PRKCH: variants seen among roughly 807,000 people sequenced by gnomAD.
PRKCH encodes protein kinase C eta type.
A neutral mutation model predicts 82.5 loss-of-function variants in PRKCH; 28 were observed. The observed-to-expected ratio is 0.34, with a 90% confidence interval of 0.25 to 0.47. The LOEUF is 0.47. Ranked by LOEUF, PRKCH falls within the 20% of genes least tolerant of loss-of-function variation. The probability of loss-of-function intolerance (pLI) is 1.00; values close to 1 mark genes in which losing one functional copy is unlikely to be tolerated. For synonymous variants in PRKCH, 322 were observed against 327.4 expected (o/e 0.98, Z 0.18); for missense variants, 705 against 881.8 (o/e 0.80, Z 2.54).
chr14:61,352,580 C>T (rs1005649963), intron 1 of PRKCH, among the ~76,000 whole-genome samples: 3 of 151,426 alleles, frequency 2.0e-5, no homozygotes, highest in African/African-American at 7.3e-5. Flanking sequence ...AGGAGAATTG[C>T]TTGAACCTGG....
At chr14:61,326,850 G>T in intron 1 of PRKCH, 1 of 204,386 alleles carries the variant, frequency 4.9e-6, no homozygotes, top group African/African-American at 2.3e-5. Context: ...TTTTTCTGCT[G>T]CTTCTAGAAC....
rs534878281 is a variant in PRKCH, at chr14:61,397,279, T to C, written c.427+5991T>C. On this transcript the variant is annotated intron_variant, in intron 2 of 13. Transcript: ENST00000332981. Reference sequence around the variant, plus strand: ...ATGCTCAGATGGTGCCTCAGAGTCATTTACCAGGGTAGAAACTGGGAGAAG... The same window carrying C: ...ATGCTCAGATGGTGCCTCAGAGTCACTTACCAGGGTAGAAACTGGGAGAAG... 1.2e-4 allele frequency among the ~76,000 whole-genome samples: 19 copies of C among 152,268 alleles called. No individual in the cohort carries two copies. In the South Asian group the frequency reaches 2.9e-3, roughly 23 times the overall value.
chr14:61,326,782 C>A, intron 1 of PRKCH: 1 of 210,438 alleles, frequency 4.8e-6, no homozygotes, highest in Non-Finnish European at 9.9e-6. Flanking sequence ...CACAATAAAA[C>A]AAATTAGTTT....
chr14:61,223,172 T>C (rs779291667), intron 1 of PRKCH, among the ~76,000 whole-genome samples: 5 of 152,150 alleles, frequency 3.3e-5, no homozygotes, highest in Admixed American at 2.6e-4. Flanking sequence ...GTCTTTCCCA[T>C]TTAAACGGCT....
chr14:61,351,827 A>G (rs2046079169), intron 1 of PRKCH, among the ~76,000 whole-genome samples: 1 of 152,172 alleles, frequency 6.6e-6, no homozygotes, highest in Non-Finnish European at 1.5e-5. Context: ...AGTAATTGGC[A>G]ATGGCTCCTT....
At chr14:61,276,570 G>T (rs2045204322) in intron 1 of PRKCH, among the ~76,000 whole-genome samples, 1 of 151,780 alleles carries the variant, frequency 6.6e-6, no homozygotes, top group South Asian at 2.1e-4. Context: ...TGGCCAGGCT[G>T]GTCTCGAACT....
intron 1 of PRKCH, among the ~76,000 whole-genome samples, chr14:61,330,940 G>A (rs1412101362): frequency 2.8e-5 from 3 of 108,604 alleles, no homozygotes; most frequent in East Asian, 2.7e-4. Context: ...TAACACTAAC[G>A]ATAGCTGATG....
At chr14:61,236,710 CAAAAAAAAAAA>C (rs35185475) in intron 1 of PRKCH, among the ~76,000 whole-genome samples, 15 of 87,712 alleles carry the variant, frequency 1.7e-4, no homozygotes, top group Non-Finnish European at 2.2e-4. Flanking sequence ...TGTCTCAAAA[CAAAAAAAAAAA>C]AAAAAAAAAA....
At chr14:61,228,463 G>A (rs1594862393) in intron 1 of PRKCH, among the ~76,000 whole-genome samples, 1 of 152,220 alleles carries the variant, frequency 6.6e-6, no homozygotes, top group Middle Eastern at 3.4e-3. Flanking sequence ...CTCAATCCTT[G>A]GAGGATTGGC....
At chr14:61,528,978 G>GTGTGTGTA in intron 10 of PRKCH, 97 bp from the exon 11 acceptor site, 1 of 1,033,830 alleles carries the variant, frequency 9.7e-7, no homozygotes, top group Admixed American at 2.5e-5. Context: ...CCGCACGTGT[G>GTGTGTGTA]TGTGTGTGTG....
intron 2 of PRKCH, among the ~76,000 whole-genome samples, chr14:61,396,767 G>T (rs1369172447): frequency 6.6e-6 from 1 of 152,272 alleles, no homozygotes; most frequent in Admixed American, 6.5e-5. Flanking sequence ...AAGGTAGGGG[G>T]TGTGGAGGTG....
intron 2 of PRKCH, among the ~76,000 whole-genome samples, chr14:61,431,162 A>G (rs551815696): frequency 7.8e-6 from 1 of 128,326 alleles, no homozygotes; most frequent in African/African-American, 2.7e-5. Context: ...TCCTCTAGGA[A>G]CACTCAATTG....
intron 1 of PRKCH, chr14:61,322,858 G>A (rs1718070614): frequency 5.2e-6 from 1 of 192,978 alleles, no homozygotes; most frequent in Admixed American, 5.3e-5. Flanking sequence ...TGCTTCAAGC[G>A]CTACTTAGGA....
intron 13 of PRKCH, among the ~76,000 whole-genome samples, chr14:61,548,499 C>T (rs571686879): frequency 1.6e-4 from 25 of 152,312 alleles, no homozygotes; most frequent in Admixed American, 1.2e-3. Context: ...GAGCTGAGCT[C>T]GTGCTCATCT....
chr14:61,471,777 A>T (rs915679454), intron 9 of PRKCH, among the ~76,000 whole-genome samples: 1 of 152,094 alleles, frequency 6.6e-6, no homozygotes. Flanking sequence ...CCAAAATACC[A>T]GCAGCACCTC....
chr14:61,324,452 T>G (rs1309523064), intron 1 of PRKCH, among the ~76,000 whole-genome samples: 1 of 152,164 alleles, frequency 6.6e-6, no homozygotes, highest in South Asian at 2.1e-4. Context: ...GGCAGATTTT[T>G]TTTTTGTTGT....
At chr14:61,227,579 C>T (rs537009783) in intron 1 of PRKCH, among the ~76,000 whole-genome samples, 6 of 151,572 alleles carry the variant, frequency 4.0e-5, no homozygotes, top group South Asian at 2.1e-4. Context: ...GGCAAAAGAG[C>T]GAGACTCTGT....
intron 10 of PRKCH, among the ~76,000 whole-genome samples, chr14:61,515,518 T>G (rs2042812513): frequency 1.3e-5 from 2 of 152,322 alleles, no homozygotes; most frequent in African/African-American, 4.8e-5. Context: ...TCTTAATTCC[T>G]GTATCTTCAT....
chr14:61,430,759 C>CTT lies in PRKCH; in HGVS notation c.428-12340_428-12339dup, dbSNP rs76049144. Among the ~76,000 whole-genome samples the CTT allele has an allele frequency of 2.6e-3, 372 of 144,708 alleles. 1 individual carries two copies. Among genetic ancestry groups the CTT allele is most frequent in the East Asian group, 9.9e-3 (49 of 4,938 alleles). The allele number at this position is 144,708 out of a possible 152,430, so 94.9% of individuals were successfully genotyped here. Reference sequence around the variant, plus strand: ...CCTTAAGCTCTTAATCAGCAGCTTCCTTTTTTTTTTTTTGAGATGGAGTCT... The same window carrying CTT: ...CCTTAAGCTCTTAATCAGCAGCTTCCTTTTTTTTTTTTTTTGAGATGGAGTCT... On this transcript the variant is annotated intron_variant, in intron 2 of 13. Coordinates refer to ENST00000332981, the MANE Select transcript of PRKCH (RefSeq NM_006255.5).
Sources: allele counts gnomAD v4.1 joint callset (sites outside exome capture counted in the v4.1 genomes callset), GRCh38; gene constraint gnomAD v4.1.1; transcripts MANE v1.5; gene names NCBI Gene and HGNC (gene_info 2026-07-23, HGNC 2026-07-21).